Variants in PARD3B observed in about 807,000 individuals in gnomAD.
The protein encoded by PARD3B is partitioning defective 3 homolog B.
A neutral mutation model predicts 130.2 loss-of-function variants in PARD3B; 103 were observed. The observed-to-expected ratio is 0.79, with a 90% CI of 0.67 to 0.93. PARD3B has a LOEUF of 0.93. Among genes scored for constraint, PARD3B ranks in the 40% least tolerant of loss-of-function variants. The probability of loss-of-function intolerance (pLI) is 0.00; values close to 1 mark genes in which losing one functional copy is unlikely to be tolerated. For synonymous variants in PARD3B, 583 were observed against 553.2 expected, an observed-to-expected ratio of 1.05 and a Z score of -0.76; for missense variants, 1,609 against 1,499.2, an observed-to-expected ratio of 1.07 and a Z score of -1.21.
At chr2:205,441,604 C>A (rs185748223) in intron 20 of PARD3B, among the ~76,000 whole-genome samples, 2 of 152,266 alleles carry the variant, frequency 1.3e-5, no homozygotes, top group East Asian at 3.9e-4. Flanking sequence ...GACAACCACC[C>A]AGTCCCTATT....
At chr2:204,901,061 G>A (rs2046838153) in intron 2 of PARD3B, among the ~76,000 whole-genome samples, 1 of 152,074 alleles carries the variant, frequency 6.6e-6, no homozygotes, top group Non-Finnish European at 1.5e-5. Context: ...GGATTACTGG[G>A]ACTGCGCTGG....
chr2:205,024,595 A>C (rs540222874), intron 3 of PARD3B, among the ~76,000 whole-genome samples: 22 of 152,198 alleles, frequency 1.4e-4, no homozygotes, highest in Non-Finnish European at 2.9e-4. Flanking sequence ...ATGTTGATCA[A>C]CTTTTTTTGG....
At chr2:205,027,969 A>G (rs1697153172) in intron 3 of PARD3B, among the ~76,000 whole-genome samples, 1 of 151,980 alleles carries the variant, frequency 6.6e-6, no homozygotes. Flanking sequence ...TACTGTGGCT[A>G]TGTACTTTTG....
intron 22 of PARD3B, among the ~76,000 whole-genome samples, chr2:205,583,767 A>C (rs2054091752): frequency 6.6e-6 from 1 of 152,224 alleles, no homozygotes; most frequent in South Asian, 2.1e-4. Flanking sequence ...ATAGCAAAAG[A>C]TGCTACGGAG....
chr2:205,108,504 T>C (rs1057027256), intron 5 of PARD3B, among the ~76,000 whole-genome samples: 6 of 151,712 alleles, frequency 4.0e-5, no homozygotes. Context: ...TCTCCCACCT[T>C]CCTCCCTCCC....
At chr2:204,982,461 C>G (rs1053523516) in intron 3 of PARD3B, among the ~76,000 whole-genome samples, 4 of 152,204 alleles carry the variant, frequency 2.6e-5, no homozygotes, top group Non-Finnish European at 5.9e-5. Flanking sequence ...GTTAAGCACA[C>G]AAGTACAGGG....
chr2:204,937,324 C>G (rs1471861576), intron 2 of PARD3B, among the ~76,000 whole-genome samples: 1 of 152,188 alleles, frequency 6.6e-6, no homozygotes. Context: ...CCTCTGACAC[C>G]CATTCAGCTT....
At chr2:204,808,386 A>G (rs896795755) in intron 2 of PARD3B, among the ~76,000 whole-genome samples, 9 of 152,082 alleles carry the variant, frequency 5.9e-5, no homozygotes. Context: ...GGTTTATTAC[A>G]TAGGTGAAGT....
chr2:204,598,218 CTTTTATTTGTGAA>C (rs2033374629), intron 1 of PARD3B, among the ~76,000 whole-genome samples: 1 of 151,988 alleles, frequency 6.6e-6, no homozygotes, highest in Non-Finnish European at 1.5e-5. Context: ...CTGGGTAGTT[CTTTTATTTGTGAA>C]TTTAAAAAAA....
chr2:204,834,632 G>T (rs1442882890), intron 2 of PARD3B, among the ~76,000 whole-genome samples: 2 of 152,158 alleles, frequency 1.3e-5, no homozygotes, highest in African/African-American at 2.4e-5. Context: ...CAAAACAGTT[G>T]ATTAAGAGGA....
At chr2:204,806,312 A>G (rs1266282662) in intron 2 of PARD3B, among the ~76,000 whole-genome samples, 4 of 152,210 alleles carry the variant, frequency 2.6e-5, no homozygotes, top group Non-Finnish European at 5.9e-5. Context: ...ATGGAACAGA[A>G]TAGGGAACCT....
intron 2 of PARD3B, among the ~76,000 whole-genome samples, chr2:204,913,831 CAG>C (rs1212898023): frequency 6.6e-6 from 1 of 152,160 alleles, no homozygotes; most frequent in African/African-American, 2.4e-5. Context: ...GTTGTTAAGA[CAG>C]AAATAATTAA....
intron 2 of PARD3B, among the ~76,000 whole-genome samples, chr2:204,759,960 GAT>G (rs1453759257): frequency 6.6e-6 from 1 of 152,030 alleles, no homozygotes; most frequent in Non-Finnish European, 1.5e-5. Flanking sequence ...ATGTTAGAAT[GAT>G]AGATTTTACT....
intron 1 of PARD3B, among the ~76,000 whole-genome samples, chr2:204,553,280 G>T (rs2030606435): frequency 6.6e-6 from 1 of 152,018 alleles, no homozygotes. Flanking sequence ...TGGATGTGGT[G>T]AACAGTGAAC....
rs2050629741 is a variant in PARD3B, at chr2:205,512,645, G to A, written c.3180+12614G>A. Among the ~76,000 whole-genome samples, 2 of 152,144 alleles carry A rather than the reference G, an allele frequency of 1.3e-5. 1 individual carries two copies. Among genetic ancestry groups the A allele is most frequent in the South Asian group, 4.1e-4 (2 of 4,826 alleles). ...AGGAAAATGTACATCGAGCCTGACA[G>A]TTGTATCATCAACACTTACCTACAA... On this transcript the variant is annotated intron_variant, in intron 21 of 22. Coordinates refer to ENST00000406610, the MANE Select transcript of PARD3B (RefSeq NM_001302769.2).
At chr2:204,629,805 T>C (rs1268311884) in intron 1 of PARD3B, among the ~76,000 whole-genome samples, 1 of 152,248 alleles carries the variant, frequency 6.6e-6, no homozygotes, top group Non-Finnish European at 1.5e-5. Flanking sequence ...TAATATCTTA[T>C]TGAAATGTGT....
At chr2:205,099,956 G>A (rs896818435) in intron 4 of PARD3B, among the ~76,000 whole-genome samples, 2 of 152,132 alleles carry the variant, frequency 1.3e-5, no homozygotes, top group Non-Finnish European at 2.9e-5. Flanking sequence ...TCATTGACAT[G>A]ATTTCTCCAA....
intron 2 of PARD3B, among the ~76,000 whole-genome samples, chr2:204,935,593 A>G (rs1688390884): frequency 6.6e-6 from 1 of 151,550 alleles, no homozygotes; most frequent in African/African-American, 2.4e-5. Context: ...GTACATATAT[A>G]GTATGTATTA....
rs1415195391 is a variant in PARD3B at position 204,669,645 on chromosome 2, T to A, written c.121-16536T>A. On this transcript the variant is annotated intron_variant, in intron 1 of 22. Transcript: ENST00000406610. The surrounding 1 kb of genome is among the most constrained non-coding windows in gnomAD (Gnocchi z 4.3). ...CCTTGGTTGCAATAAATGTCCATAC[T>A]GTCTATTGGTTTTCAACTTTTGGAA... Among the ~76,000 whole-genome samples the A allele has an allele frequency of 1.3e-5, 2 of 152,188 alleles. No homozygotes were observed. The highest frequency in any genetic ancestry group is 4.8e-5 in the African/African-American group (2 of 41,468).
Sources: gnomAD v4.1 joint callset for allele counts (sites outside exome capture counted in the v4.1 genomes callset) on GRCh38, gnomAD v4.1.1 for gene constraint, Gnocchi (gnomAD v3.1) non-coding constraint, MANE v1.5 for transcripts, NCBI Gene and HGNC (gene_info 2026-07-23, HGNC 2026-07-21) for gene names.